The following OR52H1 variants were observed in gnomAD, a reference collection of about 807,000 sequenced individuals.
OR52H1 encodes olfactory receptor 52H1.
For missense variants in OR52H1, 383 were observed against 396.4 expected (o/e 0.97, Z 0.29); for synonymous variants, 148 against 138.6 (o/e 1.07, Z -0.48).
At chr11:5,548,098 T>A (rs1264584040) in intron 1 of OR52H1, among the ~76,000 whole-genome samples, 8 of 152,132 alleles carry the variant, frequency 5.3e-5, no homozygotes, top group Admixed American at 5.2e-4. Flanking sequence ...TGGATAAAAA[T>A]TAACAGGAGC....
chr11:5,546,951 GTTAT>G lies in OR52H1; in HGVS notation c.-30-1420_-30-1417del, dbSNP rs1040323330. On this transcript the variant is annotated intron_variant, in intron 1 of 1. Transcript: ENST00000322653. The stretch of plus-strand genomic sequence containing the variant: ...GAGAAAAACAAATAAATGCAGTGTG[GTTAT>G]TTATTTATTTATTTTATTGAGACAG... Among the ~76,000 whole-genome samples, 5 of 152,108 alleles carry G rather than the reference GTTAT, an allele frequency of 3.3e-5. 1 individual carries two copies. The South Asian group carries it at 6.2e-4, about 19-fold the overall frequency.
chr11:5,547,859 C>T (rs1041033585), intron 1 of OR52H1, among the ~76,000 whole-genome samples: 5 of 152,122 alleles, frequency 3.3e-5, no homozygotes, highest in Admixed American at 3.3e-4. Context: ...GTTGGCCAGG[C>T]TGGTCTTGAA....
At chr11:5,545,618 A>T in intron 1 of OR52H1, 83 bp from the exon 2 acceptor site, 1 of 1,244,332 alleles carries the variant, frequency 8.0e-7, no homozygotes, top group Non-Finnish European at 1.1e-6. Flanking sequence ...CCTCCTGAAG[A>T]TAAAGTGACC....
chr11:5,545,143 T>C lies in OR52H1; in HGVS notation c.363A>G (p.Ala121=). ...VLDSAILMAM[A]FDHYVAICSP... Reference sequence around the variant, plus strand: ...AACAGATAGCTACATAGTGATCAAATGCCATGGCCATCAGAATGGCTGAAT... The same window carrying C: ...AACAGATAGCTACATAGTGATCAAACGCCATGGCCATCAGAATGGCTGAAT... Residue 121 remains alanine (A), a synonymous_variant, in exon 2 of 2, where the codon GCA becomes GCG. Transcript: ENST00000322653. The C allele has an allele frequency of 6.2e-7, 1 of 1,614,122 alleles. No homozygotes were observed. Among genetic ancestry groups the C allele is most frequent in the Non-Finnish European group, 8.5e-7 (1 of 1,180,020 alleles).
In OR52H1 at chr11:5,544,756, G is replaced by A; in HGVS notation, c.750C>T (p.Ile250=). 1 of 1,614,144 alleles carries A rather than the reference G, an allele frequency of 6.2e-7. No homozygotes were observed. Among genetic ancestry groups the A allele is most frequent in the African/African-American group, 1.3e-5 (1 of 75,038 alleles). The change falls in exon 2 of 2, where the codon ATC becomes ATT. Residue 250 remains isoleucine, a synonymous_variant. Coordinates refer to ENST00000322653, the MANE Select transcript of OR52H1 (RefSeq NM_001005289.5). ...AAAAGGCAGGTGTATAAAACATGAG[G>A]ATGACACAGACATGAGAACCACAAG... The part of the protein sequence containing the change: ...LGTCGSHVCV[I]LMFYTPAFFS...
intron 1 of OR52H1, among the ~76,000 whole-genome samples, chr11:5,546,007 C>A (rs1846850880): frequency 6.6e-6 from 1 of 152,114 alleles, no homozygotes; most frequent in Non-Finnish European, 1.5e-5. Flanking sequence ...CTTAAAGCTA[C>A]CTGATGACTG....
Position 5,545,499 on chromosome 11 carries a change from T to C in OR52H1, c.7A>G (p.Ile3Val), listed in dbSNP as rs760804666. 6.2e-7 allele frequency: 1 copy of C among 1,613,634 alleles called. No individual in the cohort carries two copies. Among genetic ancestry groups the C allele is most frequent in the South Asian group, 1.1e-5 (1 of 91,052 alleles). The change falls in exon 2 of 2, where the codon ATT becomes GTT. Residue 3 changes from isoleucine (I) to valine (V), a missense_variant. Coordinates refer to ENST00000322653, the MANE Select transcript of OR52H1 (RefSeq NM_001005289.5). MI[I>V]FNLSSYNPGP... ...GGATTGTAACTGCTCAGGTTGAAAA[T>C]GATCATGGCAGAGGCAGATGGCATA...
Position 5,546,043 on chromosome 11 carries a change from A to G in OR52H1, c.-30-508T>C, listed in dbSNP as rs1323085437. Among the ~76,000 whole-genome samples the G allele has an allele frequency of 3.3e-5, 5 of 152,094 alleles. 1 individual carries two copies. The highest frequency in any genetic ancestry group is 1.2e-4 in the African/African-American group (5 of 41,412). The stretch of plus-strand genomic sequence containing the variant: ...TGGCTCTTACATTTGTAAGATCAGC[A>G]CCCCTTTATTGCCATCTAAAAACCT... On this transcript the variant is annotated intron_variant, in intron 1 of 1. Coordinates refer to ENST00000322653, the MANE Select transcript of OR52H1 (RefSeq NM_001005289.5).
chr11:5,547,345 G>C (rs1036489290), intron 1 of OR52H1, among the ~76,000 whole-genome samples: 1 of 152,114 alleles, frequency 6.6e-6, no homozygotes, highest in East Asian at 1.9e-4. Context: ...ATATGGACTA[G>C]GTATTGAGTG....
rs184769719 is a variant in OR52H1, at chr11:5,545,881, C to T, written c.-30-346G>A. Among the ~76,000 whole-genome samples, 911 of 152,242 alleles carry T rather than the reference C, an allele frequency of 6.0e-3. 10 individuals are homozygous for T. Among genetic ancestry groups the T allele is most frequent in the Admixed American group, 8.3e-3 (127 of 15,294 alleles). On this transcript the variant is annotated intron_variant, in intron 1 of 1. Transcript: ENST00000322653. ...ATACAAGTTAACAAAGTACAGAATACACTTTTTCATGGTGGATTATAGCTC... is the reference window on the plus strand; with the variant it reads ...ATACAAGTTAACAAAGTACAGAATATACTTTTTCATGGTGGATTATAGCTC...
In OR52H1 at chr11:5,545,083, C is replaced by G; in HGVS notation, c.423G>C (p.Lys141Asn). Residue 141 changes from lysine to asparagine, a missense_variant, in exon 2 of 2, where the codon AAG (lysine) becomes AAC (asparagine). Coordinates refer to ENST00000322653, the MANE Select transcript of OR52H1 (RefSeq NM_001005289.5). ...PLRYTTILTP[K>N]TIIKSAMGIS... ...TGCCCATAGCACTCTTGATGATGGT[C>G]TTGGGAGTCAAGATGGTGGTATATC... 1 of 1,614,064 alleles carries G rather than the reference C, an allele frequency of 6.2e-7. No homozygotes were observed. The highest frequency in any genetic ancestry group is 1.1e-5 in the South Asian group (1 of 91,052).
rs115158387 is a variant in OR52H1 at position 5,545,160 on chromosome 11, T to C, written c.346A>G (p.Ile116Val). Residue 116 changes from isoleucine (I) to valine (V), a missense_variant, in exon 2 of 2, where the codon ATT (isoleucine) becomes GTT (valine). Ile to Val is a conservative substitution (Grantham distance 29). Coordinates refer to ENST00000322653, the MANE Select transcript of OR52H1 (RefSeq NM_001005289.5). ...TGATCAAATGCCATGGCCATCAGAA[T>C]GGCTGAATCCAGGACAAAGTTATAG... ...LHYNFVLDSAILMAMAFDHYV... is the reference protein window; with the variant it reads ...LHYNFVLDSAVLMAMAFDHYV... 9.6e-4 allele frequency: 1,557 copies of C among 1,614,186 alleles called. 19 individuals carry two copies. The African/African-American group carries it at 0.019, about 19-fold the overall frequency.
Position 5,548,477 on chromosome 11 carries a change from G to T in OR52H1, c.-56C>A. ...CAAATCTTGGGGATCAGGCCAAAGGGAAAGAAGAAAGAGTGTGTTGACAAA... is the reference window on the plus strand; with the variant it reads ...CAAATCTTGGGGATCAGGCCAAAGGTAAAGAAGAAAGAGTGTGTTGACAAA... On this transcript the variant is annotated 5_prime_UTR_variant, in exon 1 of 2. Coordinates refer to ENST00000322653, the MANE Select transcript of OR52H1 (RefSeq NM_001005289.5). 6.6e-6 allele frequency: 1 copy of T among 151,738 alleles called. No individual in the cohort carries two copies. Among genetic ancestry groups the T allele is most frequent in the Non-Finnish European group, 1.5e-5 (1 of 67,994 alleles). The allele number at this position is 151,738 out of a possible 1,614,324, so 9.4% of individuals were successfully genotyped here. A position where few individuals can be genotyped will look rare whatever the true frequency, so the allele number is the denominator to read the frequency against.
At chr11:5,545,868 A>G (rs1297281582) in intron 1 of OR52H1, among the ~76,000 whole-genome samples, 1 of 152,200 alleles carries the variant, frequency 6.6e-6, no homozygotes, top group African/African-American at 2.4e-5. Flanking sequence ...ACAAGTTAAC[A>G]AAGTACAGAA....
intron 1 of OR52H1, 95 bp from the exon 2 acceptor site, chr11:5,545,630 T>C (rs1016814600): frequency 5.1e-6 from 6 of 1,186,764 alleles, no homozygotes; most frequent in Middle Eastern, 5.9e-4. Flanking sequence ...AAAGTGACCA[T>C]ATAATTTGTC....
At position 5,548,434 on chromosome 11, in the gene OR52H1, C is replaced by T. The variant is rs993258770; in HGVS notation, c.-31+18G>A. ...AAGTCTTGTCCCAATCAAACCCCTT[C>T]AAACAGCCAATACTCACCAAATCTT... On this transcript the variant is annotated intron_variant, in intron 1 of 1. Coordinates refer to ENST00000322653, the MANE Select transcript of OR52H1 (RefSeq NM_001005289.5). The T allele has an allele frequency of 2.6e-5, 4 of 152,080 alleles. No individual in the cohort carries two copies. The highest frequency in any genetic ancestry group is 9.7e-5 in the African/African-American group (4 of 41,374). The allele number at this position is 152,080 out of a possible 1,614,324, so 9.4% of individuals were successfully genotyped here. A position where few individuals can be genotyped will look rare whatever the true frequency, so the allele number is the denominator to read the frequency against.
rs374576337 is a variant in OR52H1, at chr11:5,544,678, G to T, written c.828C>A (p.Ile276=). Residue 276 remains isoleucine, a synonymous_variant, in exon 2 of 2, where the codon ATC becomes ATA. Coordinates refer to ENST00000322653, the MANE Select transcript of OR52H1 (RefSeq NM_001005289.5). ...TAACAATGTAGAGATTGGCAAACAT[G>T]ATGTGGAAGGTGCGAGAGACATTGT... is the stretch of plus-strand genomic sequence containing the variant. ...FGHNVSRTFH[I]MFANLYIVIP... is the part of the protein sequence containing the mutation. 8.7e-6 allele frequency: 14 copies of T among 1,613,768 alleles called. No individual in the cohort carries two copies. The African/African-American group carries it at 1.6e-4, about 19-fold the overall frequency.
intron 1 of OR52H1, among the ~76,000 whole-genome samples, chr11:5,546,387 C>A (rs543781886): frequency 1.4e-3 from 211 of 151,638 alleles, no homozygotes; most frequent in Non-Finnish European, 2.1e-3. Flanking sequence ...TACTTACATT[C>A]TCAGGCATAT....
At chr11:5,548,181 T>C (rs1846878189) in intron 1 of OR52H1, among the ~76,000 whole-genome samples, 1 of 152,218 alleles carries the variant, frequency 6.6e-6, no homozygotes. Flanking sequence ...TCTTGTCACA[T>C]GTCTGAAACA....
Sources: allele counts gnomAD v4.1 joint callset (sites outside exome capture counted in the v4.1 genomes callset), GRCh38; gene constraint gnomAD v4.1.1; transcripts MANE v1.5; gene names NCBI Gene and HGNC (gene_info 2026-07-23, HGNC 2026-07-21).